Variants in SRGAP1 observed in about 807,000 individuals in gnomAD.
The protein encoded by SRGAP1 is SLIT-ROBO Rho GTPase-activating protein 1.
In SRGAP1, 43 loss-of-function variants were observed where a neutral mutation model predicts 121.9. The observed-to-expected ratio is 0.35, with a 90% confidence interval of 0.28 to 0.46. The LOEUF (loss-of-function observed/expected upper bound fraction) is 0.46, where lower values mean the gene tolerates loss of function less well. Among genes scored for constraint, SRGAP1 ranks in the 20% least tolerant of loss-of-function variants. SRGAP1 has a pLI of 1.00. For missense variants in SRGAP1, 1,102 were observed against 1,350.9 expected (o/e 0.82, Z 2.89); for synonymous variants, 447 against 485.4 (o/e 0.92, Z 1.04).
chr12:63,909,178 A>T (rs1449231697), intron 1 of SRGAP1, among the ~76,000 whole-genome samples: 1 of 152,190 alleles, frequency 6.6e-6, no homozygotes, highest in Non-Finnish European at 1.5e-5. Flanking sequence ...ATGAGCCACC[A>T]CGCCGGGCCT....
intron 1 of SRGAP1, among the ~76,000 whole-genome samples, chr12:63,924,470 T>C (rs557319452): frequency 7.2e-5 from 11 of 152,350 alleles, no homozygotes; most frequent in African/African-American, 2.6e-4. Flanking sequence ...GATCATCTAG[T>C]TTAGGCATTA....
intron 1 of SRGAP1, among the ~76,000 whole-genome samples, chr12:63,938,892 T>C (rs1446836946): frequency 6.6e-6 from 1 of 151,912 alleles, no homozygotes; most frequent in Non-Finnish European, 1.5e-5. Flanking sequence ...TAGTGACTCA[T>C]ACCTGTAATC....
intron 1 of SRGAP1, among the ~76,000 whole-genome samples, chr12:63,980,485 A>G (rs1340124112): frequency 1.3e-5 from 2 of 152,158 alleles, no homozygotes; most frequent in East Asian, 3.9e-4. Context: ...GTGAAGTCAT[A>G]TTAGGATAGC....
chr12:64,000,260 G>GTA (rs2033839256), intron 3 of SRGAP1, among the ~76,000 whole-genome samples: 1 of 149,328 alleles, frequency 6.7e-6, no homozygotes, highest in African/African-American at 2.5e-5. Context: ...GTGTGTGTGT[G>GTA]TGTGTGTGTG....
intron 1 of SRGAP1, among the ~76,000 whole-genome samples, chr12:63,911,247 C>T (rs1267357750): frequency 1.4e-5 from 2 of 147,202 alleles, no homozygotes; most frequent in African/African-American, 2.5e-5. Context: ...TGCAGTGAGC[C>T]GAGATGGCAC....
intron 15 of SRGAP1, among the ~76,000 whole-genome samples, chr12:64,107,947 A>G (rs1246430379): frequency 1.1e-4 from 17 of 152,156 alleles, no homozygotes; most frequent in Admixed American, 1.1e-3. Context: ...GACTTGTGAA[A>G]CAGACTTATG....
chr12:63,989,465 C>T (rs996309484), intron 2 of SRGAP1, among the ~76,000 whole-genome samples: 3 of 152,154 alleles, frequency 2.0e-5, no homozygotes, highest in Non-Finnish European at 4.4e-5. Flanking sequence ...GCATAACTAG[C>T]CAAATTTCTT....
chr12:64,121,638 T>C (rs1565690001), intron 18 of SRGAP1, among the ~76,000 whole-genome samples: 1 of 152,186 alleles, frequency 6.6e-6, no homozygotes, highest in Non-Finnish European at 1.5e-5. Context: ...ACATGGTTTA[T>C]TTCTTTTTCA....
chr12:64,060,188 CCTTT>C (rs1279366099), intron 6 of SRGAP1, among the ~76,000 whole-genome samples: 8 of 148,124 alleles, frequency 5.4e-5, no homozygotes, highest in South Asian at 2.2e-4. Flanking sequence ...TTTCTTCCTT[CCTTT>C]CTTTCTTTTT....
intron 1 of SRGAP1, among the ~76,000 whole-genome samples, chr12:63,926,287 A>G (rs1453441485): frequency 6.6e-6 from 1 of 152,162 alleles, no homozygotes; most frequent in Non-Finnish European, 1.5e-5. Flanking sequence ...TGCTGAGCCT[A>G]TGCTGTGTGT....
At chr12:64,072,108 C>CTCTGTGTGTGTGTGTGTGTG (rs775247857) in intron 8 of SRGAP1, among the ~76,000 whole-genome samples, 5 of 80,426 alleles carry the variant, frequency 6.2e-5, no homozygotes, top group African/African-American at 2.3e-4. Context: ...CAATCTCTCT[C>CTCTGTGTGTGTGTGTGTGTG]TGTGTGTGTG....
At position 64,155,073 on chromosome 12, in the gene SRGAP1, C is replaced by T. The variant is rs2037153422; in HGVS notation, c.*12401C>T. The stretch of plus-strand genomic sequence containing the variant: ...CTTTTTCTTTTTTTTGAGACAGAGT[C>T]TCACTCTGTCACCCAGGCTGGAGTG... On this transcript the variant is annotated 3_prime_UTR_variant, in exon 22 of 22. Transcript: ENST00000355086. The T allele has an allele frequency of 6.6e-6, 1 of 151,730 alleles. No individual in the cohort carries two copies. The allele number at this position is 151,730 out of a possible 1,614,324, so 9.4% of individuals were successfully genotyped here.
chr12:64,116,118 G>T, intron 18 of SRGAP1: 2 of 462,366 alleles, frequency 4.3e-6, no homozygotes, highest in Non-Finnish European at 7.9e-6. Context: ...TTAGCCAGGC[G>T]TGGTGATGTG....
rs1321390881 is a variant in SRGAP1, at chr12:64,156,647, T to C, written c.*13975T>C. On this transcript the variant is annotated 3_prime_UTR_variant, in exon 22 of 22. Coordinates refer to ENST00000355086, the MANE Select transcript of SRGAP1 (RefSeq NM_020762.4). ...AGAAGTTAAATCTATTAATCTAGCC[T>C]TATTACACCGAGTACAACAGGGAAT... 6.6e-6 allele frequency: 1 copy of C among 152,158 alleles called. No individual in the cohort carries two copies. Among genetic ancestry groups the C allele is most frequent in the Non-Finnish European group, 1.5e-5 (1 of 68,016 alleles). 9.4% of individuals were successfully genotyped at this position (152,158 alleles called of 1,614,324 possible).
At chr12:63,969,508 C>T (rs2032879746) in intron 1 of SRGAP1, among the ~76,000 whole-genome samples, 1 of 152,102 alleles carries the variant, frequency 6.6e-6, no homozygotes, top group Non-Finnish European at 1.5e-5. Flanking sequence ...AAATCTGAAA[C>T]ATCGGCCAGG....
chr12:63,982,160 G>C (rs532393983), intron 1 of SRGAP1, among the ~76,000 whole-genome samples: 1 of 151,848 alleles, frequency 6.6e-6, no homozygotes, highest in South Asian at 2.1e-4. Context: ...GCAGTGAGCC[G>C]AGATCGCGCC....
At chr12:64,053,857 TGA>T (rs934956671) in intron 6 of SRGAP1, among the ~76,000 whole-genome samples, 72 of 152,322 alleles carry the variant, frequency 4.7e-4, no homozygotes, top group African/African-American at 1.7e-3. Context: ...AATTGAATGC[TGA>T]GAGTTCCAAA....
At chr12:63,900,653 A>C (rs1335985627) in intron 1 of SRGAP1, among the ~76,000 whole-genome samples, 1 of 152,044 alleles carries the variant, frequency 6.6e-6, no homozygotes. Context: ...TCTCTACTAA[A>C]AACACAAAAA....
intron 1 of SRGAP1, among the ~76,000 whole-genome samples, chr12:63,902,240 A>G (rs1269459253): frequency 6.6e-6 from 1 of 152,254 alleles, no homozygotes; most frequent in Non-Finnish European, 1.5e-5. Context: ...CTGTAGGGAA[A>G]ACAGCTAATT....
Sources: allele counts gnomAD v4.1 joint callset (sites outside exome capture counted in the v4.1 genomes callset), GRCh38; gene constraint gnomAD v4.1.1; transcripts MANE v1.5; gene names NCBI Gene and HGNC (gene_info 2026-07-23, HGNC 2026-07-21).